ANK3: variants seen among roughly 807,000 people sequenced by gnomAD.
ANK3 encodes the protein ankyrin-3.
ANK3 carries 57 observed loss-of-function variants against 370.9 expected under a neutral mutation model. That is an observed-to-expected ratio of 0.15 (90% CI 0.12 to 0.19). The LOEUF is 0.19. ANK3 is among the 10% of genes least tolerant of loss of function. The pLI, the probability that ANK3 is intolerant of heterozygous loss-of-function variation, is 1.00. For missense variants in ANK3, 4,439 were observed against 5,302.1 expected (o/e 0.84, Z 5.06); for synonymous variants, 1,929 against 1,946.3 (o/e 0.99, Z 0.23).
At chr10:60,209,835 G>A (rs2096824549) in intron 9 of ANK3, among the ~76,000 whole-genome samples, 1 of 152,192 alleles carries the variant, frequency 6.6e-6, no homozygotes, top group African/African-American at 2.4e-5. Flanking sequence ...TAATAGTGGA[G>A]AGTAAAAATG....
intron 8 of ANK3, among the ~76,000 whole-genome samples, chr10:60,215,599 C>T (rs893469605): frequency 2.6e-5 from 4 of 152,110 alleles, no homozygotes; most frequent in Non-Finnish European, 1.5e-5. Flanking sequence ...TTCCCAGCAC[C>T]ATTTACTGAA....
chr10:60,411,737 T>C lies in ANK3; in HGVS notation c.97-132098A>G, dbSNP rs192682692. The stretch of plus-strand genomic sequence containing the variant: ...CACTTACTAGGAAAATAACCTTAGA[T>C]AAGTGACCCCATCTGCCTGTGCCTC... On this transcript the variant is annotated intron_variant, in intron 2 of 43. Transcript: ENST00000373827. Among the ~76,000 whole-genome samples, 357 of 152,250 alleles carry C rather than the reference T, an allele frequency of 2.3e-3. 1 individual carries two copies. The highest frequency in any genetic ancestry group is 8.3e-3 in the African/African-American group (343 of 41,550).
intron 1 of ANK3, among the ~76,000 whole-genome samples, chr10:60,693,333 G>A (rs538440053): frequency 1.4e-4 from 21 of 152,330 alleles, no homozygotes; most frequent in East Asian, 5.8e-4. Flanking sequence ...AGGGGCGCCC[G>A]CCATTGCCCA....
chr10:60,668,849 C>T (rs962739846), intron 1 of ANK3, among the ~76,000 whole-genome samples: 37 of 152,214 alleles, frequency 2.4e-4, no homozygotes, highest in Non-Finnish European at 4.1e-4. Flanking sequence ...AAAAATTAGC[C>T]GGGCGCGGTG....
chr10:60,686,916 C>T (rs1169890673), intron 1 of ANK3, among the ~76,000 whole-genome samples: 1 of 152,124 alleles, frequency 6.6e-6, no homozygotes, highest in Non-Finnish European at 1.5e-5. Context: ...GAATGATTGA[C>T]CACAAATATG....
chr10:60,587,427 T>C (rs1163981180), intron 2 of ANK3, among the ~76,000 whole-genome samples: 1 of 152,144 alleles, frequency 6.6e-6, no homozygotes, highest in East Asian at 1.9e-4. Context: ...GATGCCCAGG[T>C]GTGGTCTCTA....
intron 2 of ANK3, among the ~76,000 whole-genome samples, chr10:60,485,758 A>G (rs183627355): frequency 1.1e-4 from 17 of 152,302 alleles, no homozygotes; most frequent in Admixed American, 7.2e-4. Flanking sequence ...AGCACACTTG[A>G]GTTGTATTTG....
chr10:60,435,798 C>T (rs1048874670), intron 2 of ANK3, among the ~76,000 whole-genome samples: 6 of 152,176 alleles, frequency 3.9e-5, no homozygotes, highest in Non-Finnish European at 7.3e-5. Context: ...TTTCATTTGT[C>T]ATGTTTTTAA....
Position 60,069,928 on chromosome 10 carries a change from T to G in ANK3, c.10953A>C (p.Lys3651Asn), listed in dbSNP as rs115903343. The G allele has an allele frequency of 2.0e-3, 3,210 of 1,614,014 alleles. 48 individuals carry two copies. In the African/African-American group the frequency reaches 0.035, roughly 18 times the overall value. The change falls in exon 37 of 44, where the codon AAA becomes AAC. Residue 3651 changes from lysine (K) to asparagine (N), a missense_variant. This residue lies in a region of ANK3 where 496 missense variants were observed against 529.3 expected (regional missense o/e 0.94). Transcript: ENST00000280772. The part of the protein sequence containing the change: ...GKSGDQGEGD[K>N]SMVTATPQPQ... ...GCTGTGGTGTGGCAGTGACCATACT[T>G]TTATCCCCTTCCCCCTGGTCCCCTG...
chr10:60,158,020 A>C (rs1354290638), intron 23 of ANK3, among the ~76,000 whole-genome samples: 1 of 152,118 alleles, frequency 6.6e-6, no homozygotes, highest in Non-Finnish European at 1.5e-5. Flanking sequence ...AGATATGAAT[A>C]TCCAGGTATA....
chr10:60,169,880 T>A (rs1424260764), intron 21 of ANK3, among the ~76,000 whole-genome samples: 2 of 152,164 alleles, frequency 1.3e-5, no homozygotes, highest in African/African-American at 4.8e-5. Context: ...ACATACCCCC[T>A]ACCATTGTGC....
intron 2 of ANK3, among the ~76,000 whole-genome samples, chr10:60,440,544 T>C (rs1179199687): frequency 6.6e-6 from 1 of 152,106 alleles, no homozygotes; most frequent in Non-Finnish European, 1.5e-5. Context: ...ACCACCCCCA[T>C]GATCCTCTCA....
At chr10:60,611,606 T>G (rs2078202607) in intron 2 of ANK3, among the ~76,000 whole-genome samples, 1 of 152,184 alleles carries the variant, frequency 6.6e-6, no homozygotes, top group Non-Finnish European at 1.5e-5. Flanking sequence ...GATTCAGACT[T>G]TGCCTGATAT....
At position 60,575,776 on chromosome 10, in the gene ANK3, T is replaced by C. The variant is rs996960085; in HGVS notation, c.96+39410A>G. ...AAAAACATATCTTCACTTTATAAAA[T>C]AGGGCAAATTTCATTTAAGGGTTGA... is the stretch of plus-strand genomic sequence containing the variant. On this transcript the variant is annotated intron_variant, in intron 2 of 43. Coordinates refer to the ANK3 transcript ENST00000373827. Among the ~76,000 whole-genome samples, 3 of 152,172 alleles carry C rather than the reference T, an allele frequency of 2.0e-5. No homozygotes were observed. The East Asian group carries it at 5.8e-4, about 29-fold the overall frequency.
intron 2 of ANK3, among the ~76,000 whole-genome samples, chr10:60,417,120 G>C (rs1379829460): frequency 1.3e-5 from 2 of 152,200 alleles, no homozygotes; most frequent in African/African-American, 4.8e-5. Flanking sequence ...AGGCAGGAAA[G>C]AACTGCATTA....
chr10:60,222,379 A>G (rs2097075238), intron 8 of ANK3, among the ~76,000 whole-genome samples: 1 of 151,812 alleles, frequency 6.6e-6, no homozygotes, highest in South Asian at 2.1e-4. Flanking sequence ...CCACAGTGGG[A>G]CTGAAAAGTA....
At position 60,068,782 on chromosome 10, in the gene ANK3, T is replaced by G; in HGVS notation, c.12099A>C (p.Ser4033=). 9 of 1,614,216 alleles carry G rather than the reference T, an allele frequency of 5.6e-6. No homozygotes were observed. The highest frequency in any genetic ancestry group is 6.8e-6 in the Non-Finnish European group (8 of 1,180,030). The change falls in exon 37 of 44, where the codon TCA becomes TCC. Residue 4033 remains serine, a synonymous_variant. Transcript: ENST00000280772. The part of the protein sequence containing the change: ...SELSDEEEST[S]RNTSLSETSR... ...AAGTCTCGGACAACGACGTGTTTCT[T>G]GAGGTACTTTCTTCCTCATCGGACA... is the stretch of plus-strand genomic sequence containing the variant.
At chr10:60,107,648 T>C (rs1353475963) in intron 27 of ANK3, among the ~76,000 whole-genome samples, 1 of 152,248 alleles carries the variant, frequency 6.6e-6, no homozygotes, top group East Asian at 1.9e-4. Flanking sequence ...AATATCTTAT[T>C]TTCCCAACAC....
intron 1 of ANK3, among the ~76,000 whole-genome samples, chr10:60,344,263 T>C (rs2054910183): frequency 6.6e-6 from 1 of 152,254 alleles, no homozygotes; most frequent in Non-Finnish European, 1.5e-5. Context: ...TTAATGTTCC[T>C]AATTTCATAT....
Sources: gnomAD v4.1 joint callset for allele counts (sites outside exome capture counted in the v4.1 genomes callset) on GRCh38, gnomAD v4.1.1 for gene constraint, gnomAD v4.1.1 regional missense constraint, MANE v1.5 for transcripts, NCBI Gene and HGNC (gene_info 2026-07-23, HGNC 2026-07-21) for gene names.